The following AIM2 variants were observed in gnomAD, a reference collection of about 807,000 sequenced individuals.
AIM2 encodes absent in melanoma 2, also known as interferon-inducible protein AIM2.
A neutral mutation model predicts 27.7 loss-of-function variants in AIM2; 30 were observed. The observed-to-expected ratio is 1.08, with a 90% CI of 0.81 to 1.47. AIM2 has a LOEUF of 1.47. Among genes scored for constraint, AIM2 ranks in the 40% most tolerant of loss-of-function variants. The pLI is 0.00. For synonymous variants in AIM2, 141 were observed against 145.3 expected, an observed-to-expected ratio of 0.97 and a Z score of 0.21; for missense variants, 358 against 411.3, an observed-to-expected ratio of 0.87 and a Z score of 1.12.
At chr1:159,116,743 T>C (rs1342412802) in intron 1 of AIM2, among the ~76,000 whole-genome samples, 1 of 151,658 alleles carries the variant, frequency 6.6e-6, no homozygotes, top group Non-Finnish European at 1.5e-5. Flanking sequence ...AAATGACGAG[T>C]TACTGGGTGC....
At position 159,099,467 on chromosome 1, in the gene AIM2, A is replaced by G. The variant is rs1466512427; in HGVS notation, c.-15-33138T>C. 2.2e-4 allele frequency among the ~76,000 whole-genome samples: 33 copies of G among 152,200 alleles called. 1 individual carries two copies. Among genetic ancestry groups the G allele is most frequent in the Admixed American group, 2.2e-3 (33 of 15,278 alleles). On this transcript the variant is annotated intron_variant, in intron 1 of 2. Coordinates refer to the AIM2 transcript ENST00000368129. The stretch of plus-strand genomic sequence containing the variant: ...CCCCTTAAGGCACGACTCAGGATTC[A>G]TTCCACAAGGTCACCATAGACCTAC...
At chr1:159,142,942 C>A (rs1028738278), upstream of AIM2, among the ~76,000 whole-genome samples, 1 of 152,102 alleles carries the variant, frequency 6.6e-6, no homozygotes, top group African/African-American at 2.4e-5. Flanking sequence ...CAAAAGGTTA[C>A]AATAAAAGCA....
intron 1 of AIM2, among the ~76,000 whole-genome samples, chr1:159,114,464 T>C (rs1397593147): frequency 6.6e-6 from 1 of 152,134 alleles, no homozygotes; most frequent in Non-Finnish European, 1.5e-5. Flanking sequence ...CTCATGCTTG[T>C]AATCCCAACA....
chr1:159,120,355 T>C (rs534293126), intron 1 of AIM2, among the ~76,000 whole-genome samples: 27 of 152,256 alleles, frequency 1.8e-4, no homozygotes, highest in African/African-American at 6.5e-4. Context: ...AGATATGCAA[T>C]TCAGTCAATT....
intron 1 of AIM2, among the ~76,000 whole-genome samples, chr1:159,105,416 G>A (rs1396340744): frequency 6.6e-6 from 1 of 152,172 alleles, no homozygotes; most frequent in Non-Finnish European, 1.5e-5. Flanking sequence ...TGAGTGGGGG[G>A]GCATGTTTCT....
chr1:159,105,822 T>C lies in AIM2; in HGVS notation c.-16+34609A>G, dbSNP rs114559040. On this transcript the variant is annotated intron_variant, in intron 1 of 2. Coordinates refer to the AIM2 transcript ENST00000368129. ...GTAGTTATTGGTCCATGGGTAGTCA[T>C]AGGTGGGCCTGAAAAAAGCACCGTA... 2.5e-3 allele frequency among the ~76,000 whole-genome samples: 388 copies of C among 152,176 alleles called. 4 individuals are homozygous for C. Among genetic ancestry groups the C allele is most frequent in the African/African-American group, 8.8e-3 (366 of 41,510 alleles).
chr1:159,111,098 T>C (rs144266826), intron 1 of AIM2, among the ~76,000 whole-genome samples: 1 of 152,222 alleles, frequency 6.6e-6, no homozygotes, highest in Non-Finnish European at 1.5e-5. Context: ...TCTTCTTCAT[T>C]AGACAAAACC....
chr1:159,100,204 T>C (rs975021921), intron 1 of AIM2, among the ~76,000 whole-genome samples: 15 of 152,202 alleles, frequency 9.9e-5, no homozygotes, highest in Non-Finnish European at 1.6e-4. Flanking sequence ...ATGAAGACTT[T>C]TGCAACCCTT....
At chr1:159,067,910 C>T (rs544990967) in intron 3 of AIM2, among the ~76,000 whole-genome samples, 1 of 152,274 alleles carries the variant, frequency 6.6e-6, no homozygotes, top group Admixed American at 6.5e-5. Context: ...TCACCAATGA[C>T]ACTCTCCAGC....
chr1:159,067,230 C>T (rs1039672220), intron 3 of AIM2, among the ~76,000 whole-genome samples: 13 of 152,124 alleles, frequency 8.5e-5, no homozygotes, highest in African/African-American at 3.1e-4. Context: ...TATTTACCAA[C>T]ATCAATGTAT....
chr1:159,105,682 C>G (rs1188295395), intron 1 of AIM2, among the ~76,000 whole-genome samples: 5 of 152,154 alleles, frequency 3.3e-5, no homozygotes, highest in Non-Finnish European at 7.3e-5. Flanking sequence ...GGCACGTCAT[C>G]CTGATGAGCT....
chr1:159,114,034 C>T (rs999184561), intron 1 of AIM2, among the ~76,000 whole-genome samples: 30 of 152,252 alleles, frequency 2.0e-4, no homozygotes, highest in African/African-American at 6.5e-4. Context: ...CAGTTTTTCT[C>T]GTATTAGCTT....
chr1:159,079,940 T>A (rs1342841505), upstream of AIM2, among the ~76,000 whole-genome samples: 1 of 152,210 alleles, frequency 6.6e-6, no homozygotes, highest in Admixed American at 6.5e-5. Flanking sequence ...TCATACAGTA[T>A]ATAGCCTTTT....
At chr1:159,119,740 G>T (rs967208568) in intron 1 of AIM2, among the ~76,000 whole-genome samples, 1 of 152,148 alleles carries the variant, frequency 6.6e-6, no homozygotes, top group Middle Eastern at 3.4e-3. Flanking sequence ...TGGACAGAGT[G>T]GATAAAGCAT....
upstream of AIM2, chr1:159,081,489 C>T (rs1570953271): frequency 1.9e-6 from 1 of 517,504 alleles, no homozygotes; most frequent in Non-Finnish European, 4.0e-6. Flanking sequence ...CTTCAGAGCC[C>T]CTCTGACTGC....
upstream of AIM2, among the ~76,000 whole-genome samples, chr1:159,078,647 G>A (rs1297533610): frequency 1.3e-5 from 2 of 152,280 alleles, no homozygotes; most frequent in African/African-American, 2.4e-5. Context: ...AGTACTCATC[G>A]TCCAGCTTTG....
At chr1:159,119,575 A>T (rs777696531) in intron 1 of AIM2, among the ~76,000 whole-genome samples, 1 of 152,164 alleles carries the variant, frequency 6.6e-6, no homozygotes, top group Non-Finnish European at 1.5e-5. Flanking sequence ...GAGATCTTAA[A>T]ATCACTGTAA....
chr1:159,086,295 C>T (rs2102004398), intron 1 of AIM2, among the ~76,000 whole-genome samples: 1 of 152,312 alleles, frequency 6.6e-6, no homozygotes, highest in South Asian at 2.1e-4. Flanking sequence ...AAAGCTCTTC[C>T]AGCTTCTGAA....
At chr1:159,115,697 A>C (rs570257039) in intron 1 of AIM2, among the ~76,000 whole-genome samples, 1 of 152,366 alleles carries the variant, frequency 6.6e-6, no homozygotes, top group African/African-American at 2.4e-5. Flanking sequence ...TGGATTAAAG[A>C]CTTAAATGTT....
Sources: allele counts gnomAD v4.1 joint callset (sites outside exome capture counted in the v4.1 genomes callset), GRCh38; gene constraint gnomAD v4.1.1; transcripts MANE v1.5; gene names NCBI Gene and HGNC (gene_info 2026-07-23, HGNC 2026-07-21).